The following DPP6 variants were observed in gnomAD, a reference collection of about 807,000 sequenced individuals.
DPP6 encodes the protein dipeptidyl peptidase like 6, also known as A-type potassium channel modulatory protein DPP6.
A neutral mutation model predicts 122.6 loss-of-function variants in DPP6; 69 were observed. The ratio of observed to expected loss-of-function variants is 0.56; its 90% CI spans 0.46 to 0.69. The LOEUF is 0.69. Among genes scored for constraint, DPP6 ranks in the 30% least tolerant of loss-of-function variants. The pLI, the probability that DPP6 is intolerant of heterozygous loss-of-function variation, is 0.00. For missense variants in DPP6, 928 were observed against 1,116.9 expected, an observed-to-expected ratio of 0.83 and a Z score of 2.41; for synonymous variants, 418 against 433.1, an observed-to-expected ratio of 0.97 and a Z score of 0.43.
chr7:154,302,556 G>A (rs1221147967), intron 1 of DPP6, among the ~76,000 whole-genome samples: 1 of 152,220 alleles, frequency 6.6e-6, no homozygotes, highest in Non-Finnish European at 1.5e-5. Flanking sequence ...ATGAGTGAGG[G>A]AGGTGGGGAG....
At chr7:154,560,863 A>T (rs1031716655) in intron 4 of DPP6, among the ~76,000 whole-genome samples, 4 of 150,218 alleles carry the variant, frequency 2.7e-5, no homozygotes, top group African/African-American at 9.9e-5. Context: ...AGCCTGGGTG[A>T]CAGAGTGAGA....
intron 17 of DPP6, among the ~76,000 whole-genome samples, chr7:154,865,676 G>T (rs1409730763): frequency 2.0e-5 from 3 of 152,132 alleles, no homozygotes; most frequent in Non-Finnish European, 4.4e-5. Flanking sequence ...GGGAAACACT[G>T]GTTGATAGTC....
At chr7:154,213,087 C>T (rs1215701872) in intron 1 of DPP6, among the ~76,000 whole-genome samples, 1 of 152,160 alleles carries the variant, frequency 6.6e-6, no homozygotes, top group East Asian at 1.9e-4. Context: ...GTGTCCTCCA[C>T]AGGTGGGAGG....
In DPP6 at chr7:154,832,286, G is replaced by T. The variant is rs192437537; in HGVS notation, c.1667-21494G>T. 2.7e-4 allele frequency among the ~76,000 whole-genome samples: 41 copies of T among 152,304 alleles called. No individual in the cohort carries two copies. The East Asian group carries it at 5.8e-3, about 22-fold the overall frequency. On this transcript the variant is annotated intron_variant, in intron 16 of 25. Coordinates refer to ENST00000377770, the MANE Select transcript of DPP6 (RefSeq NM_130797.4). ...TTCACTGTGACAATGCTGGGACAGA[G>T]ACATGCTCTGGGGCCTGGAGGACCC...
In DPP6 at chr7:154,827,071, A is replaced by G. The variant is rs533631175; in HGVS notation, c.1666+19959A>G. The stretch of plus-strand genomic sequence containing the variant: ...CATCTCCTAGCACATAGTTTAAGCT[A>G]CGTTGACAAGAAGTGTCTGAAGTTT... On this transcript the variant is annotated intron_variant, in intron 16 of 25. Transcript: ENST00000377770. 4.9e-4 allele frequency among the ~76,000 whole-genome samples: 74 copies of G among 152,196 alleles called. 1 individual carries two copies. The highest frequency in any genetic ancestry group is 1.4e-3 in the African/African-American group (60 of 41,516).
intron 1 of DPP6, among the ~76,000 whole-genome samples, chr7:153,992,522 C>A (rs564886509): frequency 6.6e-6 from 1 of 152,100 alleles, no homozygotes; most frequent in Admixed American, 6.5e-5. Flanking sequence ...CACTTGCATC[C>A]TCCATGATTG....
chr7:153,791,323 G>A, the DPP6 span, among the ~76,000 whole-genome samples: 4 of 151,696 alleles, frequency 2.6e-5, no homozygotes, highest in African/African-American at 7.3e-5. Flanking sequence ...TTTTTGCAGT[G>A]CAGTGCACAA....
chr7:154,623,338 A>G (rs1168519211), intron 5 of DPP6, among the ~76,000 whole-genome samples: 4 of 152,182 alleles, frequency 2.6e-5, no homozygotes, highest in Non-Finnish European at 5.9e-5. Flanking sequence ...TGCTGGAAAC[A>G]AACTATTCCC....
chr7:154,260,546 A>G (rs975235044), intron 1 of DPP6, among the ~76,000 whole-genome samples: 6 of 151,788 alleles, frequency 4.0e-5, no homozygotes, highest in African/African-American at 1.5e-4. Context: ...GTGAGAACAT[A>G]TGATGGTTAG....
intron 20 of DPP6, among the ~76,000 whole-genome samples, chr7:154,878,281 C>T (rs575821272): frequency 4.6e-5 from 7 of 152,232 alleles, no homozygotes; most frequent in Admixed American, 2.6e-4. Context: ...CACACACACA[C>T]GTCGTGCCCT....
chr7:154,754,152 T>G (rs1291779506), intron 8 of DPP6, among the ~76,000 whole-genome samples: 7 of 152,218 alleles, frequency 4.6e-5, no homozygotes, highest in African/African-American at 1.7e-4. Flanking sequence ...CTCAGTCCGA[T>G]TAAGGTGACA....
At chr7:154,371,046 C>T (rs1297013018) in intron 1 of DPP6, among the ~76,000 whole-genome samples, 1 of 152,152 alleles carries the variant, frequency 6.6e-6, no homozygotes, top group Non-Finnish European at 1.5e-5. Context: ...GAGGTTTTAG[C>T]TTTCTGCCAA....
the DPP6 span, among the ~76,000 whole-genome samples, chr7:153,824,479 G>C: frequency 1.3e-5 from 2 of 151,558 alleles, no homozygotes; most frequent in African/African-American, 4.9e-5. Context: ...CTGAGGTCAG[G>C]AGTTCGACAC....
At chr7:154,177,040 C>T (rs750269138) in intron 1 of DPP6, among the ~76,000 whole-genome samples, 1 of 151,988 alleles carries the variant, frequency 6.6e-6, no homozygotes, top group Non-Finnish European at 1.5e-5. Context: ...CGTCATGTTG[C>T]CCAGGCTGGT....
At chr7:153,900,238 G>GT (rs36001080) in intron 1 of DPP6, among the ~76,000 whole-genome samples, 3,697 of 144,050 alleles carry the variant, frequency 0.026, 83 homozygotes, top group African/African-American at 0.051. Context: ...CCATCTTTCT[G>GT]TTTTTTTTTT....
chr7:153,814,432 C>T, the DPP6 span, among the ~76,000 whole-genome samples: 8 of 152,114 alleles, frequency 5.3e-5, no homozygotes, highest in African/African-American at 1.2e-4. Context: ...TCTGAATACA[C>T]CAATAACAGG....
chr7:153,981,888 T>C (rs1000127501), intron 1 of DPP6, among the ~76,000 whole-genome samples: 10 of 152,118 alleles, frequency 6.6e-5, no homozygotes, highest in South Asian at 2.1e-4. Flanking sequence ...TCTTCTGGCT[T>C]GTAGGGTTTC....
chr7:153,985,321 C>A (rs1370058955), intron 1 of DPP6, among the ~76,000 whole-genome samples: 2 of 152,178 alleles, frequency 1.3e-5, no homozygotes, highest in Non-Finnish European at 2.9e-5. Context: ...ATCTTCTGGT[C>A]CCCAGATTCA....
At chr7:153,787,063 T>C in the DPP6 span, among the ~76,000 whole-genome samples, 32 of 146,624 alleles carry the variant, frequency 2.2e-4, no homozygotes, top group Non-Finnish European at 3.8e-4. Flanking sequence ...GCCATTCTCC[T>C]GCCTCAGCCT....
Sources: gnomAD v4.1 joint callset for allele counts (sites outside exome capture counted in the v4.1 genomes callset) on GRCh38, gnomAD v4.1.1 for gene constraint, MANE v1.5 for transcripts, NCBI Gene and HGNC (gene_info 2026-07-23, HGNC 2026-07-21) for gene names.